Variants in CKAP5 observed in about 807,000 individuals in gnomAD.
CKAP5 encodes the protein cytoskeleton associated protein 5.
Under a neutral mutation model 232.8 loss-of-function variants are expected in CKAP5, and 27 were observed. That is an observed-to-expected ratio of 0.12 (90% CI 0.09 to 0.16). The LOEUF is 0.16. Ranked by LOEUF, CKAP5 falls within the 10% of genes least tolerant of loss-of-function variation. CKAP5 has a pLI of 1.00. For synonymous variants in CKAP5, 785 were observed against 841.1 expected (o/e 0.93, Z 1.16); for missense variants, 1,838 against 2,424.7 (o/e 0.76, Z 5.08).
chr11:46,813,512 C>T (rs79754373), intron 4 of CKAP5, among the ~76,000 whole-genome samples: 2 of 152,252 alleles, frequency 1.3e-5, no homozygotes, highest in East Asian at 3.9e-4. Flanking sequence ...CAAAAGGGTA[C>T]TAGAAACCTG....
At chr11:46,764,687 ATACTT>A (rs1417893051) in intron 28 of CKAP5, among the ~76,000 whole-genome samples, 2 of 152,216 alleles carry the variant, frequency 1.3e-5, no homozygotes, top group Non-Finnish European at 2.9e-5. Flanking sequence ...TTTTCTTACT[ATACTT>A]TGCACTTTCT....
At chr11:46,791,376 T>A (rs1350919859) in intron 13 of CKAP5, among the ~76,000 whole-genome samples, 1 of 144,284 alleles carries the variant, frequency 6.9e-6, no homozygotes. Flanking sequence ...CAAGCAGCCC[T>A]CCCATCTCAG....
chr11:46,772,001 G>T (rs1330496441), intron 24 of CKAP5, among the ~76,000 whole-genome samples: 1 of 146,140 alleles, frequency 6.8e-6, no homozygotes, highest in Non-Finnish European at 1.5e-5. Flanking sequence ...GTTTTAATTT[G>T]CATTTCCCTG....
intron 20 of CKAP5, 53 bp from the exon 21 acceptor site, chr11:46,778,652 C>G (rs2065312670): frequency 1.3e-6 from 2 of 1,491,214 alleles, no homozygotes; most frequent in Non-Finnish European, 1.9e-6. Flanking sequence ...GATATGGGAA[C>G]AAACAAATTA....
chr11:46,792,787 A>C (rs1342843831), intron 13 of CKAP5, among the ~76,000 whole-genome samples: 1 of 152,192 alleles, frequency 6.6e-6, no homozygotes, highest in East Asian at 1.9e-4. Context: ...AAGAGGTAAG[A>C]GGCAAGTGGG....
Position 46,743,099 on chromosome 11 carries a change from C to T in CKAP5, c.*924G>A, listed in dbSNP as rs4076557. 0.14 allele frequency: 21,031 copies of T among 152,160 alleles called. 2,428 individuals carry two copies. Among genetic ancestry groups the T allele is most frequent in the East Asian group, 0.6 (3,072 of 5,160 alleles). The allele number at this position is 152,160 out of a possible 1,614,324, so 9.4% of individuals were successfully genotyped here. On this transcript the variant is annotated 3_prime_UTR_variant, in exon 44 of 44. Transcript: ENST00000529230. ...CTGTTAGCCTGGACCAAAAGAGACT[C>T]ATACAACCAAGCAGCAAACCACTAA...
Position 46,816,210 on chromosome 11 carries a change from C to G in CKAP5, c.446G>C (p.Arg149Thr), listed in dbSNP as rs373252076. The G allele has an allele frequency of 1.2e-6, 2 of 1,613,824 alleles. No individual in the cohort carries two copies. Among genetic ancestry groups the G allele is most frequent in the African/African-American group, 2.7e-5 (2 of 74,926 alleles). ...KIIVACIETL[R>T]KALSEFGSKI... ...AACAAAGTCTTACCTTAAGGCTTTC[C>G]TCAGTGTCTCTATACAGGCCACTAT... Residue 149 changes from arginine to threonine, a missense_variant, in exon 4 of 44, where the codon AGG (arginine) becomes ACG (threonine). Physicochemically the swap from Arg to Thr is moderately conservative, Grantham distance 71. This residue lies in a region of CKAP5 where 285 missense variants were observed against 300.0 expected (regional missense o/e 0.95). Transcript: ENST00000529230.
chr11:46,823,835 G>A (rs1939597019), intron 1 of CKAP5, among the ~76,000 whole-genome samples: 1 of 152,086 alleles, frequency 6.6e-6, no homozygotes, highest in African/African-American at 2.4e-5. Context: ...TGCCCAGGCT[G>A]GCCGATTTTT....
rs769721525 is a variant in CKAP5, at chr11:46,783,360, T to C, written c.2163A>G (p.Ser721=). 22 of 1,602,058 alleles carry C rather than the reference T, an allele frequency of 1.4e-5. No homozygotes were observed. Among genetic ancestry groups the C allele is most frequent in the Non-Finnish European group, 9.4e-6 (11 of 1,170,796 alleles). ...MLPWTAEQVV[S]MAFSQKNPKN... ...TGGGATTCTTTTGTGAGAAAGCCAT[T>C]GACACAACCTGAAAAGGGAAAAACA... Residue 721 remains serine, a synonymous_variant, in exon 18 of 44, where the codon TCA becomes TCG. Coordinates refer to ENST00000529230, the MANE Select transcript of CKAP5 (RefSeq NM_001008938.4).
intron 1 of CKAP5, among the ~76,000 whole-genome samples, chr11:46,837,507 G>A (rs1939943694): frequency 6.6e-6 from 1 of 152,164 alleles, no homozygotes; most frequent in Non-Finnish European, 1.5e-5. Context: ...CAGTAGCAAA[G>A]AGAACACTCA....
chr11:46,745,000 G>A (rs1303187991), intron 42 of CKAP5, among the ~76,000 whole-genome samples: 2 of 152,242 alleles, frequency 1.3e-5, no homozygotes, highest in African/African-American at 4.8e-5. Flanking sequence ...ATTTGAACCT[G>A]TGAAGGAAGC....
chr11:46,832,745 C>A (rs1354220453), intron 1 of CKAP5, among the ~76,000 whole-genome samples: 1 of 152,132 alleles, frequency 6.6e-6, no homozygotes, highest in African/African-American at 2.4e-5. Flanking sequence ...TAACATGACT[C>A]ATCTAATCAT....
At chr11:46,819,462 T>C (rs773035205) in intron 2 of CKAP5, among the ~76,000 whole-genome samples, 2 of 152,118 alleles carry the variant, frequency 1.3e-5, no homozygotes, top group Non-Finnish European at 2.9e-5. Flanking sequence ...AGCAATGAAA[T>C]GATTTGGGGG....
intron 31 of CKAP5, 160 bp from the exon 32 acceptor site, chr11:46,762,353 G>T (rs773822272): frequency 1.1e-6 from 1 of 911,898 alleles, no homozygotes; most frequent in Non-Finnish European, 1.8e-6. Context: ...TGAAAAAATG[G>T]TATTTCAGCA....
intron 13 of CKAP5, among the ~76,000 whole-genome samples, chr11:46,793,102 G>A (rs192045512): frequency 9.9e-5 from 15 of 152,198 alleles, no homozygotes; most frequent in Non-Finnish European, 1.8e-4. Context: ...ACAATATGGT[G>A]TGGGGATACA....
At chr11:46,834,779 T>C (rs1024902652) in intron 1 of CKAP5, among the ~76,000 whole-genome samples, 6 of 152,096 alleles carry the variant, frequency 3.9e-5, no homozygotes, top group Non-Finnish European at 7.4e-5. Flanking sequence ...CTCTAAAGCA[T>C]AAAAATATTT....
chr11:46,765,313 G>C (rs2065193334), intron 27 of CKAP5, 57 bp from the exon 28 acceptor site: 2 of 1,489,640 alleles, frequency 1.3e-6, no homozygotes, highest in African/African-American at 2.8e-5. Context: ...TTAAGAATAT[G>C]ATGCTGCTGC....
rs1939402665 is a variant in CKAP5, at chr11:46,816,415, T to G, written c.252-11A>C. On this transcript the variant is annotated splice_polypyrimidine_tract_variant and intron_variant, in intron 3 of 43. Coordinates refer to ENST00000529230, the MANE Select transcript of CKAP5 (RefSeq NM_001008938.4). ...ACTTCTCCTGTGGTTCTGTAACATA[T>G]TATAAAGAACAAAAATCCCACTTAA... The G allele has an allele frequency of 6.2e-7, 1 of 1,611,054 alleles. No individual in the cohort carries two copies.
At chr11:46,752,227 C>CAT (rs1592432606) in intron 38 of CKAP5, among the ~76,000 whole-genome samples, 1 of 139,840 alleles carries the variant, frequency 7.2e-6, no homozygotes, top group Non-Finnish European at 1.6e-5. Flanking sequence ...CACACACACA[C>CAT]ACACACGTGT....
Sources: gnomAD v4.1 joint callset for allele counts (sites outside exome capture counted in the v4.1 genomes callset) on GRCh38, gnomAD v4.1.1 for gene constraint, gnomAD v4.1.1 regional missense constraint, MANE v1.5 for transcripts, NCBI Gene and HGNC (gene_info 2026-07-23, HGNC 2026-07-21) for gene names.